The following EIF3A variants were observed in gnomAD, a reference collection of about 807,000 sequenced individuals.
The protein encoded by EIF3A is eukaryotic translation initiation factor 3 subunit A.
In EIF3A, 21 loss-of-function variants were observed where a neutral mutation model predicts 186.6. The observed-to-expected ratio is 0.11, with a 90% confidence interval of 0.08 to 0.16. The LOEUF is 0.16. EIF3A is among the 10% of genes least tolerant of loss of function. The probability of loss-of-function intolerance (pLI) is 1.00; values close to 1 mark genes in which losing one functional copy is unlikely to be tolerated. For missense variants in EIF3A, 1,306 were observed against 1,796.3 expected, an observed-to-expected ratio of 0.73 and a Z score of 4.93; for synonymous variants, 563 against 584.3, an observed-to-expected ratio of 0.96 and a Z score of 0.52.
chr10:119,041,998 C>T lies in EIF3A; in HGVS notation c.3522G>A (p.Lys1174=). The T allele has an allele frequency of 1.2e-6, 2 of 1,613,618 alleles. No homozygotes were observed. The highest frequency in any genetic ancestry group is 2.2e-5 in the South Asian group (2 of 91,040). The change falls in exon 19 of 22, where the codon AAG becomes AAA. Residue 1174 remains lysine, a synonymous_variant. Coordinates refer to ENST00000369144, the MANE Select transcript of EIF3A (RefSeq NM_003750.4). ...TTCTAGGAAATAGAATTTTACCTGG[C>T]TTGACTAATGGTCTCCAAGGACCAG... ...SRPGPWRPLV[K]PGGWREKEKA...
At chr10:119,049,205 A>C (rs1251814800) in intron 17 of EIF3A, among the ~76,000 whole-genome samples, 1 of 152,108 alleles carries the variant, frequency 6.6e-6, no homozygotes, top group African/African-American at 2.4e-5. Flanking sequence ...CGCGCCTGTA[A>C]TCCCAGCACT....
intron 9 of EIF3A, among the ~76,000 whole-genome samples, chr10:119,060,322 T>A (rs1278404747): frequency 1.3e-5 from 2 of 152,146 alleles, no homozygotes; most frequent in African/African-American, 4.8e-5. Context: ...TTTAAATCCA[T>A]AAACCCTATG....
chr10:119,070,557 T>C (rs1182918765), intron 5 of EIF3A, among the ~76,000 whole-genome samples: 1 of 109,366 alleles, frequency 9.1e-6, no homozygotes, highest in Non-Finnish European at 2.2e-5. Flanking sequence ...TTCTACTCTA[T>C]ACTTATTTCA....
At chr10:119,065,618 G>A (rs1490161840) in intron 6 of EIF3A, 48 bp from the exon 7 acceptor site, 1 of 1,388,608 alleles carries the variant, frequency 7.2e-7, no homozygotes, top group Admixed American at 1.9e-5. Context: ...AATGATACTT[G>A]GTAAGCAGAA....
chr10:119,042,551 C>A lies in EIF3A; in HGVS notation c.2969G>T (p.Arg990Leu). 6.2e-7 allele frequency: 1 copy of A among 1,614,134 alleles called. No individual in the cohort carries two copies. Among genetic ancestry groups the A allele is most frequent in the South Asian group, 1.1e-5 (1 of 91,080 alleles). Residue 990 changes from arginine to leucine, a missense_variant, in exon 19 of 22, where the codon CGT (arginine) becomes CTT (leucine). Physicochemically the swap from Arg to Leu is moderately radical, Grantham distance 102 (BLOSUM62 -2). Coordinates refer to ENST00000369144, the MANE Select transcript of EIF3A (RefSeq NM_003750.4). This position sits in a 1 kb window ranked among gnomAD's most constrained non-coding sequence, Gnocchi z 7.8. ...GGGAGGCCTGTCATCATCTGTGTTA[C>A]GCCAGGAAGGCCGGTCATCGTCTGC... ...RGADDDRPSWRNTDDDRPPRR... is the reference protein window; with the variant it reads ...RGADDDRPSWLNTDDDRPPRR...
intron 19 of EIF3A, among the ~76,000 whole-genome samples, chr10:119,041,553 C>A (rs1203003402): frequency 6.6e-6 from 1 of 152,218 alleles, no homozygotes; most frequent in East Asian, 1.9e-4. Flanking sequence ...GCCTGTGCAA[C>A]AGAGCAAGAC....
intron 8 of EIF3A, 53 bp from the exon 9 acceptor site, chr10:119,060,897 T>C: frequency 8.8e-7 from 1 of 1,134,000 alleles, no homozygotes; most frequent in South Asian, 1.4e-5. Context: ...TAAGAGATAC[T>C]AAAACATCTA....
At chr10:119,071,692 G>C (rs1421334964) in intron 4 of EIF3A, among the ~76,000 whole-genome samples, 1 of 152,112 alleles carries the variant, frequency 6.6e-6, no homozygotes, top group South Asian at 2.1e-4. Flanking sequence ...GTTAATATTT[G>C]TATCAACAGC....
intron 1 of EIF3A, 35 bp downstream of exon 1, chr10:119,080,593 C>A: frequency 6.4e-7 from 1 of 1,562,690 alleles, no homozygotes. Context: ...GGCCTCGGGC[C>A]GCCCCAGCCC....
In EIF3A at chr10:119,034,456, T is replaced by C. The variant is rs1156548243; in HGVS notation, c.*1583A>G. 6.6e-6 allele frequency: 1 copy of C among 152,344 alleles called. No homozygotes were observed. The highest frequency in any genetic ancestry group is 2.4e-5 in the African/African-American group (1 of 41,446). 9.4% of individuals were successfully genotyped at this position (152,344 alleles called of 1,614,324 possible). ...ACTCTTAGCAAGTTACTGCCCCACT[T>C]GTAATCACTGATCTGAAATTCTCTT... On this transcript the variant is annotated 3_prime_UTR_variant, in exon 22 of 22. Transcript: ENST00000369144.
intron 6 of EIF3A, among the ~76,000 whole-genome samples, chr10:119,067,205 A>G (rs1486205792): frequency 2.6e-5 from 4 of 151,334 alleles, no homozygotes; most frequent in Non-Finnish European, 4.4e-5. Context: ...AACAAGAGCA[A>G]AATTCTGTCT....
chr10:119,055,221 T>C (rs1376783493), intron 14 of EIF3A, among the ~76,000 whole-genome samples: 4 of 152,050 alleles, frequency 2.6e-5, no homozygotes, highest in Admixed American at 6.6e-5. Context: ...AATAAATATA[T>C]ACATATTAGT....
At chr10:119,058,653 C>T (rs1161661824) in intron 11 of EIF3A, among the ~76,000 whole-genome samples, 1 of 152,182 alleles carries the variant, frequency 6.6e-6, no homozygotes, top group East Asian at 1.9e-4. Flanking sequence ...GAGGCCAAGG[C>T]GGGTGGATCA....
chr10:119,051,058 A>G lies in EIF3A; in HGVS notation c.2319+141T>C, dbSNP rs1848349419. On this transcript the variant is annotated intron_variant, in intron 15 of 21. Coordinates refer to ENST00000369144, the MANE Select transcript of EIF3A (RefSeq NM_003750.4). ...TTGATGATTGTTTTGCTTATGAAAT[A>G]TCATCCAAAAATTTCTATTATTTGA... 7.0e-6 allele frequency: 5 copies of G among 715,026 alleles called. No individual in the cohort carries two copies. In the Admixed American group the frequency reaches 9.1e-5, roughly 13 times the overall value. 44.3% of individuals were successfully genotyped at this position (715,026 alleles called of 1,614,324 possible).
At chr10:119,066,128 AAAAG>A (rs1267060494) in intron 6 of EIF3A, among the ~76,000 whole-genome samples, 1 of 151,636 alleles carries the variant, frequency 6.6e-6, no homozygotes, top group Non-Finnish European at 1.5e-5. Flanking sequence ...AAAAGAAAAA[AAAAG>A]AAAGAAAAAG....
At chr10:119,076,977 G>A (rs963069033) in intron 1 of EIF3A, among the ~76,000 whole-genome samples, 4 of 151,270 alleles carry the variant, frequency 2.6e-5, no homozygotes, top group African/African-American at 7.3e-5. Context: ...TACATTAGGC[G>A]TTCTTCATAA....
rs377390738 is a variant in EIF3A, at chr10:119,054,588, T to TCCA, written c.2196+2151_2196+2152insTGG. ...AAAAAAAAGTACAAAATTAGCTGGG[T>TCCA]GTGGTGGCACATGCCTGTAATCTCA... On this transcript the variant is annotated intron_variant, in intron 14 of 21. Coordinates refer to ENST00000369144, the MANE Select transcript of EIF3A (RefSeq NM_003750.4). 1.9e-3 allele frequency among the ~76,000 whole-genome samples: 282 copies of TCCA among 147,612 alleles called. 3 individuals are homozygous for TCCA. Among genetic ancestry groups the TCCA allele is most frequent in the African/African-American group, 6.6e-3 (267 of 40,246 alleles).
At chr10:119,080,340 G>A in intron 1 of EIF3A, 1 of 985,468 alleles carries the variant, frequency 1.0e-6, no homozygotes, top group Non-Finnish European at 1.2e-6. Flanking sequence ...CTCCAGTCCG[G>A]GTAGGGGCTG....
chr10:119,072,208 A>T (rs10787905), intron 4 of EIF3A, among the ~76,000 whole-genome samples: 63,291 of 125,520 alleles, frequency 0.5, 15,435 homozygotes, highest in Middle Eastern at 0.65. Context: ...AAAATAAATT[A>T]AAAAAAAAAA....
Sources: gnomAD v4.1 joint callset for allele counts (sites outside exome capture counted in the v4.1 genomes callset) on GRCh38, gnomAD v4.1.1 for gene constraint, Gnocchi (gnomAD v3.1) non-coding constraint, MANE v1.5 for transcripts, NCBI Gene and HGNC (gene_info 2026-07-23, HGNC 2026-07-21) for gene names.